Variants in AGPS observed in about 807,000 individuals in gnomAD.
AGPS encodes alkyldihydroxyacetonephosphate synthase, peroxisomal.
Under a neutral mutation model 90.7 loss-of-function variants are expected in AGPS, and 26 were observed. That is an observed-to-expected ratio of 0.29 (90% CI 0.21 to 0.40). The LOEUF is 0.40. Among genes scored for constraint, AGPS ranks in the 10% least tolerant of loss-of-function variants. The probability of loss-of-function intolerance (pLI) is 1.00; values close to 1 mark genes in which losing one functional copy is unlikely to be tolerated. For missense variants in AGPS, 540 were observed against 816.1 expected (o/e 0.66, Z 4.12); for synonymous variants, 294 against 285.3 (o/e 1.03, Z -0.31).
chr2:177,479,552 G>C (rs1228001181), intron 10 of AGPS, among the ~76,000 whole-genome samples: 1 of 152,148 alleles, frequency 6.6e-6, no homozygotes, highest in Admixed American at 6.6e-5. Flanking sequence ...GATAAACGAA[G>C]TGAGTTATAC....
At chr2:177,428,135 A>T (rs558136205) in intron 2 of AGPS, among the ~76,000 whole-genome samples, 1 of 152,272 alleles carries the variant, frequency 6.6e-6, no homozygotes, top group South Asian at 2.1e-4. Flanking sequence ...TTTGTCAGAA[A>T]CTAGGATTGC....
At chr2:177,434,997 G>GGGTATATATATATATA (rs36151985) in intron 3 of AGPS, among the ~76,000 whole-genome samples, 2,017 of 127,946 alleles carry the variant, frequency 0.016, 98 homozygotes, top group African/African-American at 0.036. Flanking sequence ...TAAACTGTAG[G>GGGTATATATATATATA]TATATATATA....
intron 10 of AGPS, among the ~76,000 whole-genome samples, chr2:177,481,302 C>T (rs1460913930): frequency 6.6e-6 from 1 of 151,846 alleles, no homozygotes; most frequent in Non-Finnish European, 1.5e-5. Context: ...AATAGTTTAA[C>T]TTATTTTTTC....
intron 14 of AGPS, among the ~76,000 whole-genome samples, chr2:177,503,620 A>G (rs1158536493): frequency 1.3e-5 from 2 of 152,216 alleles, no homozygotes; most frequent in Non-Finnish European, 2.9e-5. Flanking sequence ...TTTTGGAGTG[A>G]TTACAAAAGT....
At chr2:177,486,814 C>T (rs1688107697) in intron 11 of AGPS, among the ~76,000 whole-genome samples, 1 of 150,372 alleles carries the variant, frequency 6.7e-6, no homozygotes, top group Non-Finnish European at 1.5e-5. Flanking sequence ...ACTAAAGTCT[C>T]TCATCCGATC....
intron 3 of AGPS, among the ~76,000 whole-genome samples, chr2:177,435,807 C>T (rs1686390228): frequency 6.6e-6 from 1 of 152,164 alleles, no homozygotes; most frequent in South Asian, 2.1e-4. Flanking sequence ...CGTTTATAGA[C>T]TTCTTCCTAT....
At chr2:177,504,908 A>G (rs1444426969) in intron 14 of AGPS, among the ~76,000 whole-genome samples, 2 of 152,126 alleles carry the variant, frequency 1.3e-5, no homozygotes, top group African/African-American at 4.8e-5. Flanking sequence ...AATTCTAACT[A>G]GATCATCAAA....
intron 19 of AGPS, 140 bp from the exon 20 acceptor site, chr2:177,537,934 A>G: frequency 1.6e-6 from 2 of 1,231,716 alleles, no homozygotes; most frequent in South Asian, 1.3e-5. Context: ...GGTGGGCTCA[A>G]TAAATCAAAT....
intron 17 of AGPS, among the ~76,000 whole-genome samples, chr2:177,517,526 C>A (rs1234329143): frequency 2.0e-5 from 3 of 152,104 alleles, no homozygotes; most frequent in Non-Finnish European, 4.4e-5. Context: ...CTTAACTGAT[C>A]ACCACGTTTC....
rs1287379564 is a variant in AGPS at position 177,523,739 on chromosome 2, CA to C, written c.1798-6del. ...TAGCAACAATTTGTTGTGTTGTTTC[CA>C]AATACAGGCAGCTGCTAGAGAAGAA... On this transcript the variant is annotated splice_region_variant and splice_polypyrimidine_tract_variant and intron_variant, in intron 18 of 19. Transcript: ENST00000264167. 1 of 1,613,364 alleles carries C rather than the reference CA, an allele frequency of 6.2e-7. No homozygotes were observed. The highest frequency in any genetic ancestry group is 1.3e-5 in the African/African-American group (1 of 74,988).
At chr2:177,420,156 T>C (rs568694895) in intron 1 of AGPS, 113 bp from the exon 2 acceptor site, 1 of 711,672 alleles carries the variant, frequency 1.4e-6, no homozygotes, top group South Asian at 1.7e-5. Flanking sequence ...CCTTATACAA[T>C]ATTTGTGGGC....
chr2:177,481,944 G>C (rs1687957576), intron 10 of AGPS, 115 bp from the exon 11 acceptor site: 1 of 1,001,234 alleles, frequency 1.0e-6, no homozygotes, highest in South Asian at 1.7e-5. Context: ...TCCCCAGGTA[G>C]ACTTGATAAA....
chr2:177,431,059 C>G (rs1686228194), intron 2 of AGPS, among the ~76,000 whole-genome samples: 1 of 152,056 alleles, frequency 6.6e-6, no homozygotes. Context: ...TCAGGGGAAC[C>G]CACCCCCAGT....
chr2:177,401,007 A>G (rs895798221), intron 1 of AGPS, among the ~76,000 whole-genome samples: 1 of 152,198 alleles, frequency 6.6e-6, no homozygotes, highest in Non-Finnish European at 1.5e-5. Flanking sequence ...TATGGAGTGG[A>G]TATTTTGCTG....
chr2:177,452,492 A>G (rs762993993), intron 8 of AGPS, among the ~76,000 whole-genome samples: 2 of 152,178 alleles, frequency 1.3e-5, no homozygotes, highest in Non-Finnish European at 2.9e-5. Context: ...TAAAATAGCT[A>G]TTGGAGTTTT....
chr2:177,497,458 G>A (rs1337150456), intron 12 of AGPS, among the ~76,000 whole-genome samples: 1 of 151,790 alleles, frequency 6.6e-6, no homozygotes, highest in Non-Finnish European at 1.5e-5. Flanking sequence ...AATTGATAAT[G>A]GGTTTTGTAA....
chr2:177,398,749 A>G (rs893289354), intron 1 of AGPS, among the ~76,000 whole-genome samples: 1 of 152,244 alleles, frequency 6.6e-6, no homozygotes, highest in African/African-American at 2.4e-5. Flanking sequence ...GAAATTCATA[A>G]TAAGAAAATG....
At chr2:177,409,828 C>T (rs774052182) in intron 1 of AGPS, among the ~76,000 whole-genome samples, 1 of 152,158 alleles carries the variant, frequency 6.6e-6, no homozygotes, top group Non-Finnish European at 1.5e-5. Context: ...CTGGAAGAGA[C>T]AAACTTAACA....
chr2:177,395,774 ATTGTTTTATCACATGG>A (rs1234201918), intron 1 of AGPS, among the ~76,000 whole-genome samples: 16 of 152,202 alleles, frequency 1.1e-4, no homozygotes, highest in African/African-American at 3.4e-4. Context: ...ATTGCTTGTA[ATTGTTTTATCACATGG>A]TTGTTTTATC....
Sources: allele counts gnomAD v4.1 joint callset (sites outside exome capture counted in the v4.1 genomes callset), GRCh38; gene constraint gnomAD v4.1.1; transcripts MANE v1.5; gene names NCBI Gene and HGNC (gene_info 2026-07-23, HGNC 2026-07-21).